The following TTC7A variants were observed in gnomAD, a reference collection of about 807,000 sequenced individuals.
The protein encoded by TTC7A is tetratricopeptide repeat domain 7A, also known as tetratricopeptide repeat protein 7A.
Under a neutral mutation model 103.7 loss-of-function variants are expected in TTC7A, and 110 were observed. That is an observed-to-expected ratio of 1.06 (90% CI 0.91 to 1.24). The LOEUF (loss-of-function observed/expected upper bound fraction) is 1.24, where lower values mean the gene tolerates loss of function less well. Among genes scored for constraint, TTC7A ranks in the 50% most tolerant of loss-of-function variants. The probability of loss-of-function intolerance (pLI) is 0.00; values close to 1 mark genes in which losing one functional copy is unlikely to be tolerated. For missense variants in TTC7A, 1,340 were observed against 1,116.3 expected (o/e 1.20, Z -2.86); for synonymous variants, 521 against 467.9 (o/e 1.11, Z -1.47).
In TTC7A at chr2:47,075,321, AAAAT is replaced by A. The variant is rs942557667; in HGVS notation, c.*1400_*1403del. 3 of 152,354 alleles carry A rather than the reference AAAAT, an allele frequency of 2.0e-5. No homozygotes were observed. The highest frequency in any genetic ancestry group is 7.2e-5 in the African/African-American group (3 of 41,584). 9.4% of individuals were successfully genotyped at this position (152,354 alleles called of 1,614,324 possible). A position where few individuals can be genotyped will look rare whatever the true frequency, so the allele number is the denominator to read the frequency against. ...AATATAGTTTTTTATCTATATATAT[AAAAT>A]AGAGATCTATTTTTTTTCTGGAATT... On this transcript the variant is annotated 3_prime_UTR_variant, in exon 20 of 20. Coordinates refer to ENST00000319190, the MANE Select transcript of TTC7A (RefSeq NM_020458.4).
At chr2:47,039,135 G>A (rs1681468434) in intron 15 of TTC7A, among the ~76,000 whole-genome samples, 1 of 152,116 alleles carries the variant, frequency 6.6e-6, no homozygotes, top group Admixed American at 6.5e-5. Flanking sequence ...CACCATCAGA[G>A]GTGAAGGCAC....
intron 8 of TTC7A, among the ~76,000 whole-genome samples, chr2:46,997,909 C>T (rs1278951731): frequency 1.3e-5 from 2 of 152,148 alleles, no homozygotes; most frequent in Non-Finnish European, 2.9e-5. Context: ...CACCCCCAAA[C>T]CCTCCAAGTG....
chr2:46,982,934 T>C (rs1360885966), intron 5 of TTC7A, among the ~76,000 whole-genome samples: 2 of 151,376 alleles, frequency 1.3e-5, no homozygotes, highest in Non-Finnish European at 2.9e-5. Context: ...ACCACTGCAC[T>C]CCAGCCTGGG....
intron 19 of TTC7A, among the ~76,000 whole-genome samples, chr2:47,064,286 T>A (rs1224474903): frequency 2.6e-5 from 4 of 152,194 alleles, no homozygotes; most frequent in Non-Finnish European, 5.9e-5. Flanking sequence ...AGAAGTGTGC[T>A]CTCTGCAGTG....
intron 15 of TTC7A, among the ~76,000 whole-genome samples, chr2:47,035,089 A>G (rs764288796): frequency 1.3e-5 from 2 of 152,122 alleles, no homozygotes; most frequent in Non-Finnish European, 2.9e-5. Context: ...CCTTTTTTTC[A>G]GGTGGCGCTT....
intron 14 of TTC7A, among the ~76,000 whole-genome samples, chr2:47,024,765 C>G (rs578229877): frequency 6.6e-6 from 1 of 152,282 alleles, no homozygotes; most frequent in Non-Finnish European, 1.5e-5. Flanking sequence ...CCAAGCTACT[C>G]CTTCACTGTG....
intron 15 of TTC7A, among the ~76,000 whole-genome samples, chr2:47,043,534 A>G (rs1295522376): frequency 6.6e-6 from 1 of 152,140 alleles, no homozygotes; most frequent in Non-Finnish European, 1.5e-5. Context: ...GGAGGATGGC[A>G]GGAAGGGAGG....
intron 15 of TTC7A, among the ~76,000 whole-genome samples, chr2:47,044,554 T>C (rs1682103050): frequency 6.6e-6 from 1 of 152,176 alleles, no homozygotes; most frequent in Admixed American, 6.5e-5. Flanking sequence ...CCTTGGGACC[T>C]GATAGGCAAG....
At position 46,941,987 on chromosome 2, in the gene TTC7A, ATGG is replaced by A. The variant is rs1670456029; in HGVS notation, c.184+267_184+269del. On this transcript the variant is annotated intron_variant, in intron 1 of 19. Coordinates refer to ENST00000319190, the MANE Select transcript of TTC7A (RefSeq NM_020458.4). The surrounding 1 kb of genome is among the most constrained non-coding windows in gnomAD (Gnocchi z 4.2). ...TGTGGCTAACTCTGTCTACCGTGAA[ATGG>A]TGGTATCTGCATATCATGAGATCAG... 1.7e-6 allele frequency: 1 copy of A among 572,204 alleles called. No individual in the cohort carries two copies. Among genetic ancestry groups the A allele is most frequent in the Non-Finnish European group, 3.1e-6 (1 of 320,110 alleles). 35.4% of individuals were successfully genotyped at this position (572,204 alleles called of 1,614,324 possible). A position where few individuals can be genotyped will look rare whatever the true frequency, so the allele number is the denominator to read the frequency against.
chr2:46,935,498 C>CT (rs566493262), intron 2 of TTC7A, among the ~76,000 whole-genome samples: 59 of 152,340 alleles, frequency 3.9e-4, no homozygotes, highest in African/African-American at 1.3e-3. Context: ...TGCTATGACT[C>CT]TGTCAGGGTA....
Position 46,941,823 on chromosome 2 carries a change from C to A in TTC7A, c.184+98C>A. 6.9e-7 allele frequency: 1 copy of A among 1,456,678 alleles called. No individual in the cohort carries two copies. Among genetic ancestry groups the A allele is most frequent in the Non-Finnish European group, 9.3e-7 (1 of 1,074,626 alleles). The allele number at this position is 1,456,678 out of a possible 1,614,324, so 90.2% of individuals were successfully genotyped here. On this transcript the variant is annotated intron_variant, in intron 1 of 19. Coordinates refer to ENST00000319190, the MANE Select transcript of TTC7A (RefSeq NM_020458.4). The surrounding 1 kb of genome is among the most constrained non-coding windows in gnomAD (Gnocchi z 4.2). The stretch of plus-strand genomic sequence containing the variant: ...CAGACAGTCCTCGGCCGACAGCGGG[C>A]GCCTGCCAGCCCACCGTGCTAGTCT...
At chr2:46,924,534 A>G (rs72886664) in intron 2 of TTC7A, among the ~76,000 whole-genome samples, 4,195 of 152,312 alleles carry the variant, frequency 0.028, 112 homozygotes, top group African/African-American at 0.067. Context: ...AGTGTTTTGA[A>G]TAGAATATGA....
At chr2:47,064,260 A>C (rs533680407) in intron 19 of TTC7A, among the ~76,000 whole-genome samples, 10 of 152,370 alleles carry the variant, frequency 6.6e-5, no homozygotes, top group Non-Finnish European at 1.0e-4. Flanking sequence ...GGAAACTGGC[A>C]AGTGTAGAAA....
chr2:46,949,399 A>G (rs975569962), intron 1 of TTC7A, among the ~76,000 whole-genome samples: 7 of 151,966 alleles, frequency 4.6e-5, no homozygotes, highest in Non-Finnish European at 8.8e-5. Flanking sequence ...TGCCTGGCTA[A>G]TTTTTGCATT....
intron 4 of TTC7A, 38 bp downstream of exon 4, chr2:46,975,141 T>C (rs1673748742): frequency 1.2e-6 from 2 of 1,609,570 alleles, no homozygotes; most frequent in East Asian, 2.2e-5. Context: ...AGCTGCTCTC[T>C]ATTGAGCACC....
Position 47,006,650 on chromosome 2 carries a change from C to G in TTC7A, c.1213C>G (p.Arg405Gly). The G allele has an allele frequency of 6.2e-7, 1 of 1,613,960 alleles. No homozygotes were observed. The highest frequency in any genetic ancestry group is 1.1e-5 in the South Asian group (1 of 91,066). Residue 405 changes from arginine to glycine, a missense_variant, in exon 10 of 20, where the codon CGA (arginine) becomes GGA (glycine). Transcript: ENST00000319190. ...QYVMLSECLE[R>G]AMKFAFGEFH... ...TATCTCCCCTCCCCAGTGCCTGGAG[C>G]GAGCCATGAAGTTTGCGTTTGGAGA...
At position 47,007,528 on chromosome 2, in the gene TTC7A, A is replaced by G. The variant is rs1311260060; in HGVS notation, c.1287+804A>G. On this transcript the variant is annotated intron_variant, in intron 10 of 19. Transcript: ENST00000319190. This position sits in a 1 kb window ranked among gnomAD's most constrained non-coding sequence, Gnocchi z 4.9. ...AGAGCCCTTTCATGGGGCTGAGGGA[A>G]TTCCTCGCCCCCCTGGCCCATCTGT... Among the ~76,000 whole-genome samples the G allele has an allele frequency of 6.6e-6, 1 of 152,258 alleles. No homozygotes were observed. Among genetic ancestry groups the G allele is most frequent in the African/African-American group, 2.4e-5 (1 of 41,572 alleles).
At position 46,980,591 on chromosome 2, in the gene TTC7A, G is replaced by C. The variant is rs1022882465; in HGVS notation, c.764+1684G>C. 2.6e-5 allele frequency among the ~76,000 whole-genome samples: 4 copies of C among 152,236 alleles called. 1 individual carries two copies. The East Asian group carries it at 7.7e-4, about 29-fold the overall frequency. On this transcript the variant is annotated intron_variant, in intron 5 of 19. Coordinates refer to ENST00000319190, the MANE Select transcript of TTC7A (RefSeq NM_020458.4). ...TTCCGCGACTCACAACCAGTTCTCT[G>C]ACACCAGCTGGGTTTCCAACAATTA...
chr2:46,973,924 GT>G (rs1673604282), intron 3 of TTC7A, among the ~76,000 whole-genome samples: 2 of 152,166 alleles, frequency 1.3e-5, no homozygotes, highest in African/African-American at 4.8e-5. Flanking sequence ...AAACAAGAAC[GT>G]TTTGGCAGCT....
Sources: gnomAD v4.1 joint callset for allele counts (sites outside exome capture counted in the v4.1 genomes callset) on GRCh38, gnomAD v4.1.1 for gene constraint, Gnocchi (gnomAD v3.1) non-coding constraint, MANE v1.5 for transcripts, NCBI Gene and HGNC (gene_info 2026-07-23, HGNC 2026-07-21) for gene names.